SH2D4B: variants seen among roughly 807,000 people sequenced by gnomAD.
SH2D4B encodes SH2 domain-containing protein 4B.
In SH2D4B, 45 loss-of-function variants were observed where a neutral mutation model predicts 61.5. That is an observed-to-expected ratio of 0.73 (90% CI 0.58 to 0.94). The LOEUF (loss-of-function observed/expected upper bound fraction) is 0.94. Among genes scored for constraint, SH2D4B ranks in the 40% least tolerant of loss-of-function variants. The probability of loss-of-function intolerance (pLI) is 0.00; values close to 1 mark genes in which losing one functional copy is unlikely to be tolerated. For synonymous variants in SH2D4B, 224 were observed against 220.4 expected (o/e 1.02, Z -0.14); for missense variants, 572 against 574.2 (o/e 1.00, Z 0.04).
intron 1 of SH2D4B, among the ~76,000 whole-genome samples, chr10:80,555,126 T>C (rs1841814118): frequency 6.6e-6 from 1 of 151,636 alleles, no homozygotes; most frequent in East Asian, 1.9e-4. Context: ...TTAATTCCAC[T>C]CATATGTAGC....
At chr10:80,626,495 C>T (rs1038576232) in intron 6 of SH2D4B, among the ~76,000 whole-genome samples, 5 of 152,204 alleles carry the variant, frequency 3.3e-5, no homozygotes, top group African/African-American at 9.7e-5. Flanking sequence ...TGCCTCCTCT[C>T]CTCTCCTGTG....
intron 1 of SH2D4B, among the ~76,000 whole-genome samples, chr10:80,564,985 C>T (rs1841946078): frequency 6.6e-6 from 1 of 151,900 alleles, no homozygotes; most frequent in Admixed American, 6.6e-5. Flanking sequence ...AATTTATAGA[C>T]AAAAAAAGGG....
chr10:80,570,309 G>A lies in SH2D4B; in HGVS notation c.340G>A (p.Glu114Lys), dbSNP rs1240985183. The change falls in exon 2 of 8, where the codon GAG (glutamate) becomes AAG (lysine). Residue 114 changes from glutamate (E) to lysine (K), a missense_variant. Glu to Lys is a moderately conservative substitution (Grantham distance 56, BLOSUM62 1). Coordinates refer to ENST00000646907, the MANE Select transcript of SH2D4B (RefSeq NM_001388272.1). ...GCTGCAGGCACAGAGGGAAGCTGAG[G>A]AGCTCTGGTGAGGGGTGCTATGGGG... The part of the protein sequence containing the change: ...ARLQAQREAE[E>K]LWRQKEAEIT... The A allele has an allele frequency of 1.2e-6, 2 of 1,612,746 alleles. No individual in the cohort carries two copies. Among genetic ancestry groups the A allele is most frequent in the Non-Finnish European group, 1.7e-6 (2 of 1,179,890 alleles).
chr10:80,569,523 T>G, intron 1 of SH2D4B, among the ~76,000 whole-genome samples: 2 of 116,378 alleles, frequency 1.7e-5, no homozygotes, highest in African/African-American at 3.3e-5. Context: ...GGGTTTCTTT[T>G]ATGTTAAGGG....
rs554328250 is a variant in SH2D4B, at chr10:80,542,398, CTT to C, written c.184+3899_184+3900del. Reference sequence around the variant, plus strand: ...CCCTGTTTGGACCTGTCAGTTCTATCTTTTTTTTTTTTTTTTTCAGACAGAAT... The same window carrying C: ...CCCTGTTTGGACCTGTCAGTTCTATCTTTTTTTTTTTTTTTCAGACAGAAT... On this transcript the variant is annotated intron_variant, in intron 1 of 7. Coordinates refer to ENST00000646907, the MANE Select transcript of SH2D4B (RefSeq NM_001388272.1). Among the ~76,000 whole-genome samples, 1,078 of 119,310 alleles carry C rather than the reference CTT, an allele frequency of 9.0e-3. 6 individuals are homozygous for C. Among genetic ancestry groups the C allele is most frequent in the African/African-American group, 0.038 (943 of 24,880 alleles). The allele number at this position is 119,310 out of a possible 152,430, so 78.3% of individuals were successfully genotyped here.
rs1276942167 is a variant in SH2D4B at position 80,608,990 on chromosome 10, C to T, written c.861-434C>T. On this transcript the variant is annotated intron_variant, in intron 5 of 7. Transcript: ENST00000646907. ...GAGAGAGAAGGGGATGAGACACGCT[C>T]ATTTACTTTCCGTCAGGAGCCTCCT... Among the ~76,000 whole-genome samples, 8 of 152,274 alleles carry T rather than the reference C, an allele frequency of 5.3e-5. No homozygotes were observed. In the South Asian group the frequency reaches 8.3e-4, roughly 16 times the overall value.
intron 4 of SH2D4B, among the ~76,000 whole-genome samples, chr10:80,598,729 G>A (rs1842412857): frequency 1.3e-5 from 2 of 151,976 alleles, no homozygotes; most frequent in Admixed American, 6.6e-5. Context: ...ATTCAGCAGA[G>A]CTCTGGCTTC....
intron 3 of SH2D4B, among the ~76,000 whole-genome samples, chr10:80,577,663 C>T (rs567548833): frequency 5.3e-4 from 80 of 151,292 alleles, no homozygotes; most frequent in Middle Eastern, 6.8e-3. Context: ...CCTGACCTTG[C>T]GATCCACCCG....
chr10:80,545,398 CCT>C (rs898339646), intron 1 of SH2D4B, among the ~76,000 whole-genome samples: 10 of 151,962 alleles, frequency 6.6e-5, no homozygotes, highest in African/African-American at 2.2e-4. Flanking sequence ...CTCCTCCTCT[CCT>C]CTTTCTCTTA....
chr10:80,559,763 G>A (rs1438783184), intron 1 of SH2D4B, among the ~76,000 whole-genome samples: 1 of 149,828 alleles, frequency 6.7e-6, no homozygotes, highest in African/African-American at 2.5e-5. Context: ...TAAGCCTCCC[G>A]AGTAGCTGGA....
chr10:80,610,525 TC>T (rs1434120612), intron 6 of SH2D4B, among the ~76,000 whole-genome samples: 1 of 152,006 alleles, frequency 6.6e-6, no homozygotes, highest in Non-Finnish European at 1.5e-5. Context: ...CATGTGAGGG[TC>T]AGATGAGCCT....
intron 1 of SH2D4B, among the ~76,000 whole-genome samples, chr10:80,552,681 C>T (rs972937467): frequency 1.3e-5 from 2 of 152,210 alleles, no homozygotes; most frequent in African/African-American, 4.8e-5. Flanking sequence ...GCTATCTCTC[C>T]GAGTGGCTAG....
intron 5 of SH2D4B, chr10:80,607,549 T>C (rs1842534005): frequency 6.6e-6 from 1 of 152,230 alleles, no homozygotes; most frequent in African/African-American, 2.4e-5. Context: ...ACATCTTTTC[T>C]CAAATCTACA....
At chr10:80,557,113 AT>A (rs879911333) in intron 1 of SH2D4B, among the ~76,000 whole-genome samples, 2 of 152,076 alleles carry the variant, frequency 1.3e-5, no homozygotes, top group Non-Finnish European at 2.9e-5. Flanking sequence ...TGGATATTGA[AT>A]TTGTCAAATG....
chr10:80,609,336 T>A, intron 5 of SH2D4B, 88 bp from the exon 6 acceptor site: 11 of 1,016,736 alleles, frequency 1.1e-5, no homozygotes, highest in Admixed American at 2.3e-5. Flanking sequence ...TTCCTCTCCC[T>A]TCCTCTTTCC....
intron 1 of SH2D4B, among the ~76,000 whole-genome samples, chr10:80,551,122 G>A (rs755298284): frequency 2.5e-4 from 38 of 151,970 alleles, no homozygotes; most frequent in Non-Finnish European, 4.3e-4. Context: ...GCGCGATTTC[G>A]GCTCACTGCA....
Position 80,570,400 on chromosome 10 carries a change from A to G in SH2D4B, c.347+84A>G, listed in dbSNP as rs141187831. ...ACGCACGGCTAATTTTTGTATTTTT[A>G]GTAGAGATGGAGTTCCATCATGTTG... On this transcript the variant is annotated intron_variant, in intron 2 of 7. Transcript: ENST00000646907. 1.9e-3 allele frequency: 2,873 copies of G among 1,493,874 alleles called. 42 individuals carry two copies. The African/African-American group carries it at 0.034, about 18-fold the overall frequency. The allele number at this position is 1,493,874 out of a possible 1,614,324, so 92.5% of individuals were successfully genotyped here. A position where few individuals can be genotyped will look rare whatever the true frequency, so the allele number is the denominator to read the frequency against.
intron 1 of SH2D4B, among the ~76,000 whole-genome samples, chr10:80,566,398 C>T (rs1327601438): frequency 6.6e-6 from 1 of 150,958 alleles, no homozygotes; most frequent in Non-Finnish European, 1.5e-5. Flanking sequence ...TAGGTTGAAG[C>T]AATTCTCCCA....
At chr10:80,642,688 T>C (rs1936045658) in intron 7 of SH2D4B, among the ~76,000 whole-genome samples, 2 of 152,242 alleles carry the variant, frequency 1.3e-5, no homozygotes, top group Admixed American at 6.5e-5. Context: ...TGGACACTTA[T>C]CTGGCTTCCG....
Sources: allele counts gnomAD v4.1 joint callset (sites outside exome capture counted in the v4.1 genomes callset), GRCh38; gene constraint gnomAD v4.1.1; transcripts MANE v1.5; gene names NCBI Gene and HGNC (gene_info 2026-07-23, HGNC 2026-07-21).